CDH23: variants seen among roughly 807,000 people sequenced by gnomAD.
CDH23 encodes the protein cadherin related 23.
A neutral mutation model predicts 317.1 loss-of-function variants in CDH23; 189 were observed. That is an observed-to-expected ratio of 0.60 (90% CI 0.53 to 0.67). CDH23 has a LOEUF of 0.67. Ranked by LOEUF, CDH23 falls within the 30% of genes least tolerant of loss-of-function variation. The probability of loss-of-function intolerance (pLI) is 0.00; values close to 1 mark genes in which losing one functional copy is unlikely to be tolerated. For missense variants in CDH23, 4,401 were observed against 4,592.4 expected (o/e 0.96, Z 1.20); for synonymous variants, 1,839 against 1,876.8 (o/e 0.98, Z 0.52).
intron 45 of CDH23, among the ~76,000 whole-genome samples, chr10:71,789,249 G>A (rs888550948): frequency 2.0e-5 from 3 of 152,212 alleles, no homozygotes; most frequent in African/African-American, 7.2e-5. Flanking sequence ...GGTCTGGTTG[G>A]AAGAGACAGT....
intron 38 of CDH23, chr10:71,752,923 C>T: frequency 6.3e-7 from 1 of 1,599,974 alleles, no homozygotes; most frequent in East Asian, 2.2e-5. Flanking sequence ...AGTATCTCTT[C>T]CTGGATAGCC....
intron 55 of CDH23, among the ~76,000 whole-genome samples, chr10:71,805,290 G>A (rs190657976): frequency 2.0e-5 from 3 of 152,260 alleles, no homozygotes; most frequent in African/African-American, 4.8e-5. Flanking sequence ...AGACCCTGAT[G>A]GCCAACCCCT....
intron 1 of CDH23, among the ~76,000 whole-genome samples, chr10:71,427,221 G>GAAAGAAAGAAAGA (rs1375234660): frequency 1.4e-5 from 1 of 72,132 alleles, no homozygotes; most frequent in South Asian, 4.5e-4. Context: ...AAGAAAGAAA[G>GAAAGAAAGAAAGA]AAAGAAAGAA....
At chr10:71,793,765 C>G (rs551100440) in intron 48 of CDH23, 125 bp downstream of exon 48, 25 of 748,548 alleles carry the variant, frequency 3.3e-5, no homozygotes, top group Non-Finnish European at 2.1e-6. Flanking sequence ...TTCTCTCCCC[C>G]TCCTCTGGAG....
intron 1 of CDH23, among the ~76,000 whole-genome samples, chr10:71,431,110 C>T (rs1849348976): frequency 6.6e-6 from 1 of 152,210 alleles, no homozygotes. Flanking sequence ...ACAGGAGATT[C>T]GCTTCCTGCT....
At chr10:71,452,156 C>T (rs1366205615) in intron 3 of CDH23, among the ~76,000 whole-genome samples, 1 of 152,162 alleles carries the variant, frequency 6.6e-6, no homozygotes, top group Non-Finnish European at 1.5e-5. Context: ...GACCTTGGGG[C>T]CCTGAGCCAT....
At chr10:71,660,658 A>T (rs1863610012) in intron 14 of CDH23, among the ~76,000 whole-genome samples, 1 of 152,150 alleles carries the variant, frequency 6.6e-6, no homozygotes, top group Non-Finnish European at 1.5e-5. Context: ...GAGGCTGGGA[A>T]ATTTAGCATT....
chr10:71,498,765 C>T (rs1026363332), intron 3 of CDH23, among the ~76,000 whole-genome samples: 17 of 152,186 alleles, frequency 1.1e-4, no homozygotes, highest in African/African-American at 2.7e-4. Flanking sequence ...GACTGGTCCT[C>T]GCAGCCCTCA....
intron 2 of CDH23, among the ~76,000 whole-genome samples, chr10:71,441,910 G>A (rs1330858706): frequency 6.6e-6 from 1 of 152,070 alleles, no homozygotes; most frequent in Non-Finnish European, 1.5e-5. Flanking sequence ...TTCCACTCCC[G>A]CTCCAGCTAA....
At chr10:71,499,246 G>A (rs1202628076) in intron 3 of CDH23, among the ~76,000 whole-genome samples, 1 of 152,130 alleles carries the variant, frequency 6.6e-6, no homozygotes, top group African/African-American at 2.4e-5. Flanking sequence ...CCAGTGGCTG[G>A]GGAGAGAGTG....
intron 49 of CDH23, among the ~76,000 whole-genome samples, chr10:71,797,746 G>A (rs56250925): frequency 0.052 from 7,853 of 152,228 alleles, 522 homozygotes; most frequent in African/African-American, 0.16. Context: ...TCGGGCCCAG[G>A]CCATCCTGCC....
At chr10:71,521,999 A>G (rs1378915802) in intron 6 of CDH23, among the ~76,000 whole-genome samples, 1 of 152,146 alleles carries the variant, frequency 6.6e-6, no homozygotes, top group East Asian at 1.9e-4. Flanking sequence ...TCCAGGGCTC[A>G]GCTGCTCCTC....
Position 71,629,986 on chromosome 10 carries a change from T to C in CDH23, c.1134+12593T>C, listed in dbSNP as rs570807584. ...GGTTAAAATGATGACCTTTATGTTA[T>C]ATGAATTGTATCTCCATTTTTTAAA... On this transcript the variant is annotated intron_variant, in intron 11 of 69. Coordinates refer to ENST00000224721, the MANE Select transcript of CDH23 (RefSeq NM_022124.6). Among the ~76,000 whole-genome samples the C allele has an allele frequency of 1.8e-4, 27 of 152,340 alleles. No homozygotes were observed. In the South Asian group the frequency reaches 4.6e-3, roughly 26 times the overall value.
chr10:71,530,326 C>CA (rs1272679286), intron 6 of CDH23, among the ~76,000 whole-genome samples: 1 of 152,202 alleles, frequency 6.6e-6, no homozygotes, highest in African/African-American at 2.4e-5. Context: ...TCTGTCTGGC[C>CA]AGCTCAGGCC....
intron 6 of CDH23, among the ~76,000 whole-genome samples, chr10:71,517,346 C>T (rs1167036680): frequency 6.6e-6 from 1 of 152,186 alleles, no homozygotes; most frequent in Non-Finnish European, 1.5e-5. Context: ...TCCTGGATCT[C>T]AGCCCTGTCA....
At chr10:71,775,977 G>A (rs1333256791) in intron 38 of CDH23, among the ~76,000 whole-genome samples, 2 of 152,140 alleles carry the variant, frequency 1.3e-5, no homozygotes, top group Admixed American at 6.5e-5. Flanking sequence ...TTGCAGGAAA[G>A]GGGCTGAATT....
intron 1 of CDH23, among the ~76,000 whole-genome samples, chr10:71,403,412 C>CTTTCTTTCTTTCT: frequency 2.2e-5 from 1 of 46,206 alleles, no homozygotes; most frequent in Non-Finnish European, 3.5e-5. Flanking sequence ...TCTTTCTCTT[C>CTTTCTTTCTTTCT]CTTCCTTCCT....
intron 38 of CDH23, chr10:71,748,112 G>A (rs1421110122): frequency 6.6e-6 from 1 of 152,054 alleles, no homozygotes; most frequent in Non-Finnish European, 1.5e-5. Context: ...CCAGCCCTGG[G>A]GAAGGCCTCA....
At chr10:71,451,711 G>A (rs1850454112) in intron 3 of CDH23, among the ~76,000 whole-genome samples, 1 of 152,190 alleles carries the variant, frequency 6.6e-6, no homozygotes, top group Admixed American at 6.5e-5. Flanking sequence ...AGATGCTGCT[G>A]TTACTCAGTT....
Sources: allele counts gnomAD v4.1 joint callset (sites outside exome capture counted in the v4.1 genomes callset), GRCh38; gene constraint gnomAD v4.1.1; transcripts MANE v1.5; gene names NCBI Gene and HGNC (gene_info 2026-07-23, HGNC 2026-07-21).